The following KLHDC2 variants were observed in gnomAD, a reference collection of about 807,000 sequenced individuals.
KLHDC2 encodes the protein kelch domain-containing protein 2.
In KLHDC2, 38 loss-of-function variants were observed where a neutral mutation model predicts 62.3. That is an observed-to-expected ratio of 0.61 (90% CI 0.47 to 0.80). KLHDC2 has a LOEUF of 0.80. KLHDC2 is among the 30% of genes least tolerant of loss of function. KLHDC2 has a pLI of 0.00. For synonymous variants in KLHDC2, 159 were observed against 161.0 expected (o/e 0.99, Z 0.09); for missense variants, 430 against 495.3 (o/e 0.87, Z 1.25).
At chr14:49,768,762 GGTT>G (rs1241161932) in intron 1 of KLHDC2, 141 bp downstream of exon 1, 8 of 773,672 alleles carry the variant, frequency 1.0e-5, no homozygotes, top group South Asian at 8.4e-5. Context: ...TCTGCCCGTT[GGTT>G]GTTTTTTTTT....
chr14:49,777,813 C>CT (rs771413659), intron 3 of KLHDC2, 26 bp from the exon 4 acceptor site: 3 of 1,254,558 alleles, frequency 2.4e-6, no homozygotes, highest in South Asian at 1.4e-5. Flanking sequence ...AAAACCAACT[C>CT]TAACTGAAAT....
chr14:49,773,611 C>G (rs1889709984), intron 2 of KLHDC2, among the ~76,000 whole-genome samples: 1 of 130,796 alleles, frequency 7.6e-6, no homozygotes, highest in Admixed American at 8.7e-5. Flanking sequence ...GAGTCTCACT[C>G]TGTCGCCCAG....
Position 49,782,811 on chromosome 14 carries a change from T to G in KLHDC2, c.1098-19T>G, listed in dbSNP as rs958708753. The G allele has an allele frequency of 2.5e-6, 4 of 1,606,612 alleles. No homozygotes were observed. Among genetic ancestry groups the G allele is most frequent in the Non-Finnish European group, 3.4e-6 (4 of 1,177,268 alleles). On this transcript the variant is annotated intron_variant, in intron 12 of 12. Coordinates refer to ENST00000298307, the MANE Select transcript of KLHDC2 (RefSeq NM_014315.3). ...ACAGTAAAGTGAAATTACTTTTCTCTTTCCTTGTCCACTTTCAGGCTAAGC... is the reference window on the plus strand; with the variant it reads ...ACAGTAAAGTGAAATTACTTTTCTCGTTCCTTGTCCACTTTCAGGCTAAGC...
Position 49,784,798 on chromosome 14 carries a change from A to C in KLHDC2, c.*1845A>C. 3.5e-6 allele frequency: 5 copies of C among 1,436,188 alleles called. No homozygotes were observed. The East Asian group carries it at 1.1e-4, about 33-fold the overall frequency. 89.0% of individuals were successfully genotyped at this position (1,436,188 alleles called of 1,614,324 possible). A position where few individuals can be genotyped will look rare whatever the true frequency, so the allele number is the denominator to read the frequency against. ...ATGACAAAAACGAAAAACATTTCCA[A>C]ACTTTTAGCTGAGATGGTTTTACTG... On this transcript the variant is annotated 3_prime_UTR_variant, in exon 13 of 13. Transcript: ENST00000298307.
intron 9 of KLHDC2, 135 bp downstream of exon 9, chr14:49,780,457 A>C: frequency 1.5e-6 from 1 of 684,394 alleles, no homozygotes; most frequent in Non-Finnish European, 2.6e-6. Context: ...TTGATCCTGT[A>C]ACATAGCTGT....
At chr14:49,768,805 A>C (rs8017977) in intron 1 of KLHDC2, 184 bp downstream of exon 1, 560,431 of 561,156 alleles carry the variant, frequency 1, 279,860 homozygotes, top group East Asian at 1. Flanking sequence ...TCTCTCGAGT[A>C]CCCCAACCCG....
intron 1 of KLHDC2, among the ~76,000 whole-genome samples, chr14:49,769,270 T>A (rs950740720): frequency 2.0e-5 from 3 of 152,228 alleles, no homozygotes; most frequent in African/African-American, 7.2e-5. Context: ...TGCAGCTCTT[T>A]GACTCTCCGA....
chr14:49,775,549 GGT>G (rs1889752824), intron 3 of KLHDC2, among the ~76,000 whole-genome samples: 2 of 151,646 alleles, frequency 1.3e-5, no homozygotes, highest in South Asian at 4.2e-4. Flanking sequence ...TGACCGAAGA[GGT>G]GATGCTTGAA....
intron 1 of KLHDC2, among the ~76,000 whole-genome samples, chr14:49,770,723 G>A (rs1889646042): frequency 6.6e-6 from 1 of 152,192 alleles, no homozygotes; most frequent in Admixed American, 6.5e-5. Context: ...ATTAAATAAA[G>A]CAATCCATGG....
chr14:49,778,171 C>T lies in KLHDC2; in HGVS notation c.468-7C>T, dbSNP rs754338845. On this transcript the variant is annotated splice_polypyrimidine_tract_variant and splice_region_variant and intron_variant, in intron 4 of 12. Transcript: ENST00000298307. ...AATTTTTAGTGTCTTGGTTTTTCAT[C>T]CAACAGGTTAATATTTTTTGGAGGG... 3.8e-6 allele frequency: 6 copies of T among 1,580,390 alleles called. No homozygotes were observed. In the East Asian group the frequency reaches 9.0e-5, roughly 24 times the overall value.
chr14:49,781,062 T>G (rs773898798), intron 10 of KLHDC2, among the ~76,000 whole-genome samples: 5 of 152,202 alleles, frequency 3.3e-5, no homozygotes, highest in Non-Finnish European at 7.3e-5. Flanking sequence ...TGAGTTGAAC[T>G]GCATCTAAGT....
intron 1 of KLHDC2, chr14:49,768,831 G>T (rs1889600252): frequency 3.8e-6 from 2 of 521,136 alleles, no homozygotes; most frequent in Non-Finnish European, 6.7e-6. Flanking sequence ...AACCTCCAGG[G>T]CTGCTGTCAT....
At position 49,786,134 on chromosome 14, in the gene KLHDC2, C is replaced by CT. The variant is rs1890168875; in HGVS notation, c.*3182dup. ...AGGGGTGAGAAGGAATAGGTAGGGGCTGCTACTGGGATCTAGTGGGTAAAG... is the reference window on the plus strand; with the variant it reads ...AGGGGTGAGAAGGAATAGGTAGGGGCTTGCTACTGGGATCTAGTGGGTAAAG... On this transcript the variant is annotated 3_prime_UTR_variant, in exon 13 of 13. Coordinates refer to ENST00000298307, the MANE Select transcript of KLHDC2 (RefSeq NM_014315.3). The CT allele has an allele frequency of 6.5e-6, 1 of 153,012 alleles. No individual in the cohort carries two copies. The highest frequency in any genetic ancestry group is 2.4e-5 in the African/African-American group (1 of 41,408). The allele number at this position is 153,012 out of a possible 1,614,324, so 9.5% of individuals were successfully genotyped here. A position where few individuals can be genotyped will look rare whatever the true frequency, so the allele number is the denominator to read the frequency against.
intron 8 of KLHDC2, 96 bp from the exon 9 acceptor site, chr14:49,780,117 T>C (rs913188072): frequency 3.7e-6 from 3 of 805,162 alleles, no homozygotes; most frequent in Middle Eastern, 2.4e-4. Context: ...TAAGGTCTCT[T>C]TTTTCATAAC....
chr14:49,773,488 G>A (rs1261536264), intron 2 of KLHDC2, among the ~76,000 whole-genome samples: 1 of 151,520 alleles, frequency 6.6e-6, no homozygotes, highest in Non-Finnish European at 1.5e-5. Context: ...GGGAGGCCGA[G>A]GTGGGAGGAT....
intron 3 of KLHDC2, among the ~76,000 whole-genome samples, chr14:49,775,391 A>G (rs577440024): frequency 6.6e-6 from 1 of 152,322 alleles, no homozygotes. Flanking sequence ...TCTAGAAGGG[A>G]CACATATAGT....
intron 10 of KLHDC2, among the ~76,000 whole-genome samples, chr14:49,781,712 A>G (rs1889912658): frequency 6.6e-6 from 1 of 152,150 alleles, no homozygotes; most frequent in East Asian, 1.9e-4. Context: ...AAAAAAAAAA[A>G]TACATGGGGA....
Position 49,784,658 on chromosome 14 carries a change from A to AGATT in KLHDC2, c.*1707_*1710dup. On this transcript the variant is annotated 3_prime_UTR_variant, in exon 13 of 13. Coordinates refer to ENST00000298307, the MANE Select transcript of KLHDC2 (RefSeq NM_014315.3). Reference sequence around the variant, plus strand: ...CAGCTATTTCCTTTTTACGTTCAGAAGATTGGGTGCAGACACTTTCACTTT... The same window carrying AGATT: ...CAGCTATTTCCTTTTTACGTTCAGAAGATTGATTGGGTGCAGACACTTTCACTTT... 1 of 1,611,240 alleles carries AGATT rather than the reference A, an allele frequency of 6.2e-7. No individual in the cohort carries two copies. The highest frequency in any genetic ancestry group is 8.5e-7 in the Non-Finnish European group (1 of 1,178,738).
In KLHDC2 at chr14:49,780,756, C is replaced by G; in HGVS notation, c.937C>G (p.Pro313Ala). 1 of 1,600,576 alleles carries G rather than the reference C, an allele frequency of 6.2e-7. No individual in the cohort carries two copies. Among genetic ancestry groups the G allele is most frequent in the Admixed American group, 1.7e-5 (1 of 59,982 alleles). Reference protein sequence around the residue: ...SKNEWIQFNHPYTEKPRLWHT... With the variant: ...SKNEWIQFNHAYTEKPRLWHT... ...AAATGAATGGATACAATTTAATCAT[C>G]CATATACCGAAAAACCAAGGTATTT... Residue 313 changes from proline (P) to alanine (A), a missense_variant, in exon 10 of 13, where the codon CCA becomes GCA. Transcript: ENST00000298307.
Sources: allele counts gnomAD v4.1 joint callset (sites outside exome capture counted in the v4.1 genomes callset), GRCh38; gene constraint gnomAD v4.1.1; transcripts MANE v1.5; gene names NCBI Gene and HGNC (gene_info 2026-07-23, HGNC 2026-07-21).